Variants in ELMO1 observed in about 807,000 individuals in gnomAD.
The protein encoded by ELMO1 is engulfment and cell motility protein 1.
ELMO1 carries 26 observed loss-of-function variants against 98.9 expected under a neutral mutation model. The ratio of observed to expected loss-of-function variants is 0.26; its 90% CI spans 0.19 to 0.36. The LOEUF (loss-of-function observed/expected upper bound fraction) is 0.36, where lower values mean the gene tolerates loss of function less well. Among genes scored for constraint, ELMO1 ranks in the 10% least tolerant of loss-of-function variants. The pLI is 1.00. For missense variants in ELMO1, 627 were observed against 935.2 expected, an observed-to-expected ratio of 0.67 and a Z score of 4.30; for synonymous variants, 346 against 346.0, an observed-to-expected ratio of 1.00 and a Z score of 0.00.
chr7:37,342,023 C>CTTCTT lies in ELMO1; in HGVS notation c.78+585_78+589dup, dbSNP rs1205399556. Among the ~76,000 whole-genome samples, 4 of 152,046 alleles carry CTTCTT rather than the reference C, an allele frequency of 2.6e-5. No homozygotes were observed. The highest frequency in any genetic ancestry group is 5.9e-5 in the Non-Finnish European group (4 of 68,008). On this transcript the variant is annotated intron_variant, in intron 2 of 21. Coordinates refer to ENST00000310758, the MANE Select transcript of ELMO1 (RefSeq NM_014800.11). This position sits in a 1 kb window ranked among gnomAD's most constrained non-coding sequence, Gnocchi z 4.3. The stretch of plus-strand genomic sequence containing the variant: ...TATGGGTCAAGCCACTTTTATAAGT[C>CTTCTT]TTCTTGATATTTTTTAATTCAATAA...
chr7:37,051,802 A>G (rs1017561894), intron 15 of ELMO1, among the ~76,000 whole-genome samples: 3 of 152,182 alleles, frequency 2.0e-5, no homozygotes, highest in Non-Finnish European at 4.4e-5. Flanking sequence ...TAATCTGCAA[A>G]TATGTGAAAG....
intron 4 of ELMO1, among the ~76,000 whole-genome samples, chr7:37,284,997 G>T (rs57668760): frequency 0.041 from 6,304 of 152,220 alleles, 426 homozygotes; most frequent in African/African-American, 0.14. Flanking sequence ...TCCTGCACCC[G>T]GGCTCTGCTC....
At chr7:37,216,828 C>A in intron 10 of ELMO1, 133 bp from the exon 11 acceptor site, 2 of 850,476 alleles carry the variant, frequency 2.4e-6, no homozygotes, top group South Asian at 1.6e-5. Context: ...ATAATGAACT[C>A]AAACAGGCAG....
At chr7:37,161,196 A>G (rs933136401) in intron 13 of ELMO1, among the ~76,000 whole-genome samples, 1 of 152,128 alleles carries the variant, frequency 6.6e-6, no homozygotes. Flanking sequence ...CTCTTGAAGA[A>G]ATCCTGGTTC....
chr7:36,958,974 C>A lies in ELMO1; in HGVS notation c.1437+54325G>T, dbSNP rs546748783. Among the ~76,000 whole-genome samples, 6 of 152,116 alleles carry A rather than the reference C, an allele frequency of 3.9e-5. No homozygotes were observed. The South Asian group carries it at 6.2e-4, about 16-fold the overall frequency. ...CTATATCTGCACTTGGGTGTCTATC[C>A]GGGCATCTCACAGCCAACAGTTCCA... On this transcript the variant is annotated intron_variant, in intron 16 of 21. Coordinates refer to ENST00000310758, the MANE Select transcript of ELMO1 (RefSeq NM_014800.11).
chr7:36,987,999 C>G (rs10278116), intron 16 of ELMO1, among the ~76,000 whole-genome samples: 3,107 of 152,276 alleles, frequency 0.02, 121 homozygotes, highest in African/African-American at 0.071. Flanking sequence ...CTCAGGTGAT[C>G]CATCCACCTT....
At chr7:36,912,925 C>T (rs1784439052) in intron 16 of ELMO1, among the ~76,000 whole-genome samples, 2 of 152,166 alleles carry the variant, frequency 1.3e-5, no homozygotes, top group South Asian at 4.1e-4. Context: ...ATATGTATGG[C>T]ACGTATCACT....
intron 20 of ELMO1, among the ~76,000 whole-genome samples, chr7:36,865,810 A>G (rs1802993338): frequency 6.6e-6 from 1 of 152,216 alleles, no homozygotes. Flanking sequence ...GGGCCAGGTC[A>G]TATTTATCTT....
At chr7:37,080,041 GC>G (rs1229580778) in intron 15 of ELMO1, among the ~76,000 whole-genome samples, 1 of 152,062 alleles carries the variant, frequency 6.6e-6, no homozygotes, top group Admixed American at 6.6e-5. Flanking sequence ...AATCTTCTAT[GC>G]CCCTCCATCA....
chr7:37,202,884 A>C lies in ELMO1; in HGVS notation c.1086+8502T>G, dbSNP rs536042660. ...TCAAGGGTGAGCCTGTTGATGTCTC[A>C]GTGTTTTCCATCTGAAAGACAAAAC... On this transcript the variant is annotated intron_variant, in intron 13 of 21. Transcript: ENST00000310758. Among the ~76,000 whole-genome samples the C allele has an allele frequency of 5.3e-5, 8 of 152,228 alleles. No individual in the cohort carries two copies. The South Asian group carries it at 1.7e-3, about 32-fold the overall frequency.
chr7:37,332,880 C>T (rs1314588851), intron 2 of ELMO1, among the ~76,000 whole-genome samples: 1 of 152,136 alleles, frequency 6.6e-6, no homozygotes. Flanking sequence ...GAAGCGTGGC[C>T]TGGCAGCCAG....
At position 37,119,815 on chromosome 7, in the gene ELMO1, C is replaced by G. The variant is rs57508758; in HGVS notation, c.1191+13315G>C. On this transcript the variant is annotated intron_variant, in intron 14 of 21. Coordinates refer to ENST00000310758, the MANE Select transcript of ELMO1 (RefSeq NM_014800.11). ...TTTAAAGGCATTTCTATTCTCCCCC[C>G]TCAGGAAATTCATTATCTTCTATAA... Among the ~76,000 whole-genome samples the G allele has an allele frequency of 5.9e-3, 901 of 152,250 alleles. 10 individuals carry two copies. Among genetic ancestry groups the G allele is most frequent in the African/African-American group, 0.021 (864 of 41,528 alleles).
At chr7:37,425,373 T>C (rs759289454) in intron 1 of ELMO1, among the ~76,000 whole-genome samples, 8 of 152,214 alleles carry the variant, frequency 5.3e-5, no homozygotes, top group Non-Finnish European at 7.3e-5. Context: ...CACTTTCTAA[T>C]ACCATCATAT....
chr7:36,992,247 C>T (rs983633354), intron 16 of ELMO1, among the ~76,000 whole-genome samples: 2 of 152,130 alleles, frequency 1.3e-5, no homozygotes, highest in Non-Finnish European at 2.9e-5. Flanking sequence ...GGAGAAGTGA[C>T]CATGATTTGC....
chr7:37,167,744 C>T (rs1222623616), intron 13 of ELMO1, among the ~76,000 whole-genome samples: 28 of 152,094 alleles, frequency 1.8e-4, no homozygotes, highest in Non-Finnish European at 2.4e-4. Flanking sequence ...GTGGGTAACC[C>T]GACGTTTCTC....
chr7:37,345,816 C>T (rs868628983), intron 1 of ELMO1, among the ~76,000 whole-genome samples: 6 of 151,712 alleles, frequency 4.0e-5, no homozygotes, highest in African/African-American at 1.2e-4. Context: ...CGTGAAACCC[C>T]ATCTCTACTA....
intron 15 of ELMO1, among the ~76,000 whole-genome samples, chr7:37,051,348 A>G (rs1484267109): frequency 2.0e-5 from 3 of 152,234 alleles, no homozygotes; most frequent in Admixed American, 2.0e-4. Context: ...CTGCTTCTTT[A>G]GTGACTCTTC....
chr7:37,369,672 T>TAAAAAAAA (rs74272020), intron 1 of ELMO1, among the ~76,000 whole-genome samples: 2 of 124,214 alleles, frequency 1.6e-5, no homozygotes, highest in African/African-American at 3.0e-5. Context: ...GCCCAAAATG[T>TAAAAAAAA]AAAAAAAAAA....
chr7:37,124,188 G>C (rs1333816166), intron 14 of ELMO1, among the ~76,000 whole-genome samples: 2 of 143,582 alleles, frequency 1.4e-5, no homozygotes, highest in Non-Finnish European at 3.0e-5. Flanking sequence ...ATACTGAATG[G>C]GCAAAAACTG....
Sources: allele counts gnomAD v4.1 joint callset (sites outside exome capture counted in the v4.1 genomes callset), GRCh38; gene constraint gnomAD v4.1.1; non-coding constraint Gnocchi (gnomAD v3.1); transcripts MANE v1.5; gene names NCBI Gene and HGNC (gene_info 2026-07-23, HGNC 2026-07-21).